Variants in CCAR1 observed in about 807,000 individuals in gnomAD.
The protein encoded by CCAR1 is cell division cycle and apoptosis regulator 1, also known as cell division cycle and apoptosis regulator protein 1.
In CCAR1, 78 loss-of-function variants were observed where a neutral mutation model predicts 163.8. The ratio of observed to expected loss-of-function variants is 0.48; its 90% confidence interval spans 0.40 to 0.57. The LOEUF is 0.57. CCAR1 is among the 20% of genes least tolerant of loss of function. The pLI, the probability that CCAR1 is intolerant of heterozygous loss-of-function variation, is 0.00. For missense variants in CCAR1, 1,019 were observed against 1,365.2 expected (o/e 0.75, Z 4.00); for synonymous variants, 443 against 460.7 (o/e 0.96, Z 0.49).
rs960533819 is a variant in CCAR1, at chr10:68,730,890, G to A, written c.74-5986G>A. ...ATATTTTTCATAGAAGCAGGGTTTT[G>A]TCTTGTTGCCCAGGCTGCCCTCAAA... is the stretch of plus-strand genomic sequence containing the variant. On this transcript the variant is annotated intron_variant, in intron 2 of 24. Transcript: ENST00000265872. 2.0e-5 allele frequency among the ~76,000 whole-genome samples: 3 copies of A among 152,028 alleles called. No individual in the cohort carries two copies. In the South Asian group the frequency reaches 6.2e-4, roughly 32 times the overall value.
intron 19 of CCAR1, among the ~76,000 whole-genome samples, chr10:68,779,851 C>A (rs2056714271): frequency 6.6e-6 from 1 of 152,062 alleles, no homozygotes; most frequent in Non-Finnish European, 1.5e-5. Flanking sequence ...ATTCTGTGCA[C>A]CCATTGAAGA....
intron 16 of CCAR1, among the ~76,000 whole-genome samples, chr10:68,763,527 A>C (rs764222137): frequency 9.9e-5 from 15 of 151,956 alleles, no homozygotes; most frequent in Admixed American, 3.3e-4. Context: ...GGCTCAGTGC[A>C]ACTTCTGCCT....
At chr10:68,769,873 G>A (rs994638223) in intron 17 of CCAR1, among the ~76,000 whole-genome samples, 5 of 150,994 alleles carry the variant, frequency 3.3e-5, no homozygotes, top group Admixed American at 6.6e-5. Context: ...TTGGCGAGGC[G>A]GAGCTTGCAG....
At chr10:68,753,812 TA>T (rs1403173133) in intron 10 of CCAR1, 39 bp from the exon 11 acceptor site, 1 of 1,386,512 alleles carries the variant, frequency 7.2e-7, no homozygotes, top group Non-Finnish European at 1.0e-6. Flanking sequence ...TAACCTTTTT[TA>T]TTAAGGCTAT....
In CCAR1 at chr10:68,749,616, G is replaced by C; in HGVS notation, c.1049G>C (p.Arg350Pro). Residue 350 changes from arginine (R) to proline (P), a missense_variant, in exon 10 of 25, where the codon CGA (arginine) becomes CCA (proline). Coordinates refer to ENST00000265872, the MANE Select transcript of CCAR1 (RefSeq NM_018237.4). ...RERSPRRERE[R>P]SPRRVRRVVP... is the part of the protein sequence containing the mutation. ...AGATCTCCACGAAGAGAGCGAGAGC[G>C]ATCACCTCGGAGAGTTCGACGTGTT... 6.2e-7 allele frequency: 1 copy of C among 1,613,964 alleles called. No individual in the cohort carries two copies. The highest frequency in any genetic ancestry group is 8.5e-7 in the Non-Finnish European group (1 of 1,179,888).
chr10:68,774,466 C>T (rs1352286604), intron 19 of CCAR1, among the ~76,000 whole-genome samples: 3 of 151,752 alleles, frequency 2.0e-5, no homozygotes, highest in Non-Finnish European at 4.4e-5. Context: ...GGTGAAACCC[C>T]ATCTCTACTA....
chr10:68,780,511 T>G (rs966687901), intron 19 of CCAR1, among the ~76,000 whole-genome samples: 1 of 152,216 alleles, frequency 6.6e-6, no homozygotes, highest in Non-Finnish European at 1.5e-5. Flanking sequence ...ATTTGCTTAA[T>G]TTTTTATTTA....
At chr10:68,784,608 G>A (rs1243077284) in intron 19 of CCAR1, among the ~76,000 whole-genome samples, 1 of 152,076 alleles carries the variant, frequency 6.6e-6, no homozygotes, top group Non-Finnish European at 1.5e-5. Flanking sequence ...GAGTGCAGAG[G>A]TGCAGTCATG....
chr10:68,735,596 A>C (rs1424717778), intron 2 of CCAR1: 1 of 151,954 alleles, frequency 6.6e-6, no homozygotes, highest in Non-Finnish European at 1.5e-5. Context: ...TGTAGAGATG[A>C]GATCTCACTT....
intron 11 of CCAR1, 119 bp downstream of exon 11, chr10:68,754,196 C>T (rs2056371477): frequency 4.8e-6 from 3 of 629,220 alleles, no homozygotes; most frequent in Non-Finnish European, 5.3e-6. Context: ...CTGTTTTCTT[C>T]TTAACTGCTT....
Position 68,736,863 on chromosome 10 carries a change from G to A in CCAR1, c.74-13G>A. On this transcript the variant is annotated splice_polypyrimidine_tract_variant and intron_variant, in intron 2 of 24. Transcript: ENST00000265872. ...TCTTGATTTTTATTTTTTCCTTTTTGATTTCATTTTAGCTGCACTGGGTGT... is the reference window on the plus strand; with the variant it reads ...TCTTGATTTTTATTTTTTCCTTTTTAATTTCATTTTAGCTGCACTGGGTGT... 1 of 1,571,010 alleles carries A rather than the reference G, an allele frequency of 6.4e-7. No individual in the cohort carries two copies. The highest frequency in any genetic ancestry group is 8.6e-7 in the Non-Finnish European group (1 of 1,161,058).
chr10:68,751,074 C>G (rs1403712753), intron 10 of CCAR1, among the ~76,000 whole-genome samples: 1 of 151,056 alleles, frequency 6.6e-6, no homozygotes, highest in Non-Finnish European at 1.5e-5. Flanking sequence ...GTTCCCCAGG[C>G]TGGAGAGCAA....
chr10:68,755,213 A>G (rs771246319), intron 12 of CCAR1, 157 bp from the exon 13 acceptor site: 4 of 775,980 alleles, frequency 5.2e-6, no homozygotes, highest in African/African-American at 5.1e-5. Flanking sequence ...GCTGAAATGC[A>G]GTGTGGAACA....
chr10:68,737,072 A>T (rs748259101), intron 3 of CCAR1, 24 bp downstream of exon 3: 2 of 1,570,288 alleles, frequency 1.3e-6, no homozygotes, highest in East Asian at 2.3e-5. Context: ...ATGTCTTATT[A>T]TTTGATGTAG....
chr10:68,790,900 T>C (rs2056845681), intron 24 of CCAR1, among the ~76,000 whole-genome samples: 1 of 149,564 alleles, frequency 6.7e-6, no homozygotes. Flanking sequence ...GGTTTCACCA[T>C]CTTTCCCAGG....
At position 68,735,287 on chromosome 10, in the gene CCAR1, G is replaced by A. The variant is rs7922186; in HGVS notation, c.74-1589G>A. Reference sequence around the variant, plus strand: ...CACTTGAACCTGGGGAGGTCGAGGCGTCCATAAGCTGTGATTGCACAACTG... The same window carrying A: ...CACTTGAACCTGGGGAGGTCGAGGCATCCATAAGCTGTGATTGCACAACTG... On this transcript the variant is annotated intron_variant, in intron 2 of 24. Coordinates refer to ENST00000265872, the MANE Select transcript of CCAR1 (RefSeq NM_018237.4). Among the ~76,000 whole-genome samples, 420 of 151,624 alleles carry A rather than the reference G, an allele frequency of 2.8e-3. 3 individuals are homozygous for A. The highest frequency in any genetic ancestry group is 9.3e-3 in the African/African-American group (386 of 41,322).
chr10:68,721,476 CG>C (rs35629456), intron 1 of CCAR1, 194 bp downstream of exon 1: 1 of 391,532 alleles, frequency 2.6e-6, no homozygotes, highest in Non-Finnish European at 5.0e-6. Context: ...AGGCCCGGCG[CG>C]GCCAGCCCCA....
intron 5 of CCAR1, among the ~76,000 whole-genome samples, chr10:68,741,849 T>G (rs932284930): frequency 1.3e-5 from 2 of 152,232 alleles, no homozygotes; most frequent in African/African-American, 2.4e-5. Context: ...AATCTCTTCC[T>G]TGTCTTTTAA....
At chr10:68,773,984 C>T (rs936276129) in intron 19 of CCAR1, among the ~76,000 whole-genome samples, 3 of 152,020 alleles carry the variant, frequency 2.0e-5, no homozygotes, top group Admixed American at 6.6e-5. Context: ...CCTCCGCCTC[C>T]CGGGTTCAAG....
Sources: allele counts gnomAD v4.1 joint callset (sites outside exome capture counted in the v4.1 genomes callset), GRCh38; gene constraint gnomAD v4.1.1; transcripts MANE v1.5; gene names NCBI Gene and HGNC (gene_info 2026-07-23, HGNC 2026-07-21).